TBC1D4: variants seen among roughly 807,000 people sequenced by gnomAD.
The protein encoded by TBC1D4 is TBC1 domain family member 4.
A neutral mutation model predicts 142.5 loss-of-function variants in TBC1D4; 121 were observed. The ratio of observed to expected loss-of-function variants is 0.85; its 90% CI spans 0.73 to 0.99. TBC1D4 has a LOEUF of 0.99. Ranked by LOEUF, TBC1D4 falls within the 50% of genes least tolerant of loss-of-function variation. TBC1D4 has a pLI of 0.00. For synonymous variants in TBC1D4, 630 were observed against 628.2 expected, an observed-to-expected ratio of 1.00 and a Z score of -0.04; for missense variants, 1,475 against 1,606.6, an observed-to-expected ratio of 0.92 and a Z score of 1.40.
intron 1 of TBC1D4, 62 bp downstream of exon 1, chr13:75,481,208 C>CCCCCCCCG: frequency 1.4e-6 from 2 of 1,448,770 alleles, no homozygotes; most frequent in Non-Finnish European, 1.9e-6. Context: ...CCGCCCCTCC[C>CCCCCCCCG]GCCCTGCTCC....
chr13:75,398,780 A>G (rs938675637), intron 1 of TBC1D4, among the ~76,000 whole-genome samples: 7 of 152,170 alleles, frequency 4.6e-5, no homozygotes, highest in Admixed American at 4.6e-4. Flanking sequence ...AGTAAAAAGG[A>G]CCCATGGTTA....
intron 1 of TBC1D4, among the ~76,000 whole-genome samples, chr13:75,446,914 G>A (rs191891702): frequency 1.2e-3 from 180 of 152,166 alleles, no homozygotes; most frequent in African/African-American, 4.1e-3. Context: ...CAGGAATTGT[G>A]GTGGCCAAGG....
intron 1 of TBC1D4, among the ~76,000 whole-genome samples, chr13:75,444,769 T>C (rs1452301072): frequency 6.6e-6 from 1 of 152,156 alleles, no homozygotes; most frequent in Non-Finnish European, 1.5e-5. Flanking sequence ...CATAAACCTG[T>C]ATTTCAAATT....
chr13:75,356,666 A>G (rs992857981), intron 3 of TBC1D4, among the ~76,000 whole-genome samples: 5 of 152,142 alleles, frequency 3.3e-5, no homozygotes, highest in Non-Finnish European at 7.4e-5. Context: ...TACTGACAAT[A>G]CTCAAATTAA....
intron 8 of TBC1D4, among the ~76,000 whole-genome samples, chr13:75,334,257 T>C (rs1178543557): frequency 3.9e-5 from 6 of 152,270 alleles, no homozygotes; most frequent in Admixed American, 3.9e-4. Flanking sequence ...TCAAGGTTTT[T>C]ATGTCTTTAT....
chr13:75,326,514 C>T, intron 9 of TBC1D4, 91 bp from the exon 10 acceptor site: 1 of 1,320,958 alleles, frequency 7.6e-7, no homozygotes, highest in Non-Finnish European at 1.1e-6. Context: ...CAGTGTGCCT[C>T]ATCTTCCTCC....
chr13:75,286,495 T>TA lies in TBC1D4; in HGVS notation c.*296dup, dbSNP rs1874679666. ...GGTGTGGATTTCATGAAGTTCTGAC[T>TA]AAAAAAATTAATCTAAATATACATC... On this transcript the variant is annotated 3_prime_UTR_variant, in exon 21 of 21. Coordinates refer to ENST00000377636, the MANE Select transcript of TBC1D4 (RefSeq NM_014832.5). 4.0e-6 allele frequency: 1 copy of TA among 249,912 alleles called. No individual in the cohort carries two copies. The highest frequency in any genetic ancestry group is 8.1e-5 in the East Asian group (1 of 12,288). 15.5% of individuals were successfully genotyped at this position (249,912 alleles called of 1,614,324 possible).
chr13:75,302,126 T>C, intron 16 of TBC1D4, 117 bp downstream of exon 16: 1 of 1,279,480 alleles, frequency 7.8e-7, no homozygotes, highest in Non-Finnish European at 1.1e-6. Flanking sequence ...AGTCAACGGC[T>C]CTGCATATGC....
chr13:75,393,946 A>AAACAAAAC, intron 1 of TBC1D4, among the ~76,000 whole-genome samples: 1 of 151,972 alleles, frequency 6.6e-6, no homozygotes, highest in Admixed American at 6.5e-5. Context: ...AAAAACAAAA[A>AAACAAAAC]AACAAAACTA....
rs377293932 is a variant in TBC1D4, at chr13:75,432,457, A to G, written c.498+48813T>C. Among the ~76,000 whole-genome samples the G allele has an allele frequency of 3.3e-5, 5 of 152,154 alleles. No individual in the cohort carries two copies. In the East Asian group the frequency reaches 9.6e-4, roughly 29 times the overall value. On this transcript the variant is annotated intron_variant, in intron 1 of 20. Coordinates refer to ENST00000377636, the MANE Select transcript of TBC1D4 (RefSeq NM_014832.5). ...GGAATGTCAACAACCACACAAATAA[A>G]TAAAACATCATGGGTCGGGTGGAGA...
chr13:75,288,836 T>C, intron 20 of TBC1D4, 98 bp downstream of exon 20: 1 of 1,272,794 alleles, frequency 7.9e-7, no homozygotes, highest in Non-Finnish European at 1.1e-6. Flanking sequence ...TGGTTAGCAA[T>C]GGTTCATTCC....
At chr13:75,302,159 C>G in intron 16 of TBC1D4, 84 bp downstream of exon 16, 1 of 1,555,668 alleles carries the variant, frequency 6.4e-7, no homozygotes, top group Non-Finnish European at 8.8e-7. Context: ...TTTATCAGCA[C>G]CAAGAACAAA....
At chr13:75,382,309 A>G (rs1883899260) in intron 1 of TBC1D4, among the ~76,000 whole-genome samples, 1 of 152,218 alleles carries the variant, frequency 6.6e-6, no homozygotes, top group Non-Finnish European at 1.5e-5. Flanking sequence ...CTAAGCATCC[A>G]TGACTCCCAA....
chr13:75,455,002 A>T (rs1887672633), intron 1 of TBC1D4, among the ~76,000 whole-genome samples: 1 of 152,206 alleles, frequency 6.6e-6, no homozygotes, highest in Non-Finnish European at 1.5e-5. Flanking sequence ...TCCCTAGTTA[A>T]ATATATGACT....
intron 14 of TBC1D4, among the ~76,000 whole-genome samples, chr13:75,308,093 G>T (rs894061884): frequency 6.6e-6 from 1 of 152,142 alleles, no homozygotes. Flanking sequence ...GTTAATATCT[G>T]CCCTTAACTG....
rs1879022055 is a variant in TBC1D4 at position 75,324,227 on chromosome 13, C to G, written c.2198+10G>C. 1 of 1,613,690 alleles carries G rather than the reference C, an allele frequency of 6.2e-7. No individual in the cohort carries two copies. The highest frequency in any genetic ancestry group is 8.5e-7 in the Non-Finnish European group (1 of 1,179,672). On this transcript the variant is annotated intron_variant, in intron 11 of 20. Coordinates refer to ENST00000377636, the MANE Select transcript of TBC1D4 (RefSeq NM_014832.5). ...AATTTTGCTTTGCAAACAGAGGACA[C>G]TGATCTCACCTGATTTCATTTTCAT...
chr13:75,478,259 C>T (rs1263856786), intron 1 of TBC1D4, among the ~76,000 whole-genome samples: 5 of 152,316 alleles, frequency 3.3e-5, no homozygotes, highest in South Asian at 2.1e-4. Context: ...CCATATATCT[C>T]GGTTTGTCCT....
chr13:75,430,540 C>G (rs914352156), intron 1 of TBC1D4, among the ~76,000 whole-genome samples: 15 of 152,154 alleles, frequency 9.9e-5, no homozygotes, highest in Non-Finnish European at 4.4e-5. Flanking sequence ...GAATGAGAAA[C>G]TGACAGAAAT....
chr13:75,288,876 G>C (rs1056399786), intron 20 of TBC1D4, 58 bp downstream of exon 20: 2 of 1,554,890 alleles, frequency 1.3e-6, no homozygotes, highest in African/African-American at 2.7e-5. Context: ...TCCTGAGGTA[G>C]TTCTGTGCAT....
Sources: gnomAD v4.1 joint callset for allele counts (sites outside exome capture counted in the v4.1 genomes callset) on GRCh38, gnomAD v4.1.1 for gene constraint, MANE v1.5 for transcripts, NCBI Gene and HGNC (gene_info 2026-07-23, HGNC 2026-07-21) for gene names.